FAAH2: variants seen among roughly 807,000 people sequenced by gnomAD.
FAAH2 encodes the protein fatty acid amide hydrolase 2, also known as fatty-acid amide hydrolase 2.
FAAH2 carries 60 observed loss-of-function variants against 36.9 expected under a neutral mutation model. The observed-to-expected ratio is 1.63, with a 90% confidence interval of 1.32 to 2.02. The LOEUF (loss-of-function observed/expected upper bound fraction) is 2.02. Among genes scored for constraint, FAAH2 ranks in the 30% most tolerant of loss-of-function variants. The probability of loss-of-function intolerance (pLI) is 0.00; values close to 1 mark genes in which losing one functional copy is unlikely to be tolerated. For synonymous variants in FAAH2, 214 were observed against 143.8 expected (o/e 1.49, Z -3.49); for missense variants, 689 against 397.5 (o/e 1.73, Z -6.23).
chrX:57,256,365 C>G, the FAAH2 span, among the ~76,000 whole-genome samples: 1 of 111,721 alleles, frequency 9.0e-6, no homozygotes, highest in Non-Finnish European at 1.9e-5. Context: ...TTTATAGATT[C>G]AGTGCTATCC....
At chrX:57,219,876 T>G in the FAAH2 span, among the ~76,000 whole-genome samples, 2 of 101,477 alleles carry the variant, frequency 2.0e-5, no homozygotes, top group East Asian at 3.0e-4. Flanking sequence ...TTTTTTTTTT[T>G]TTTTTTTTTT....
At chrX:57,227,510 G>T in the FAAH2 span, among the ~76,000 whole-genome samples, 3 of 111,191 alleles carry the variant, frequency 2.7e-5, no homozygotes, top group Non-Finnish European at 3.8e-5. Flanking sequence ...CTGTCTATGG[G>T]TCTCTCAGTC....
chrX:57,378,886 A>G, intron 6 of FAAH2, 100 bp downstream of exon 6: 1 of 1,019,010 alleles, frequency 9.8e-7, no homozygotes, highest in Non-Finnish European at 1.3e-6. Context: ...CCTCAAGCAA[A>G]TAATTTTTAC....
intron 5 of FAAH2, among the ~76,000 whole-genome samples, chrX:57,351,614 A>C (rs1437466629): frequency 9.1e-6 from 1 of 110,483 alleles, no homozygotes; most frequent in Non-Finnish European, 1.9e-5. Context: ...AGAAGACCCA[A>C]ATAAACACTG....
chrX:57,161,957 G>T, the FAAH2 span, among the ~76,000 whole-genome samples: 3 of 111,989 alleles, frequency 2.7e-5, no homozygotes, highest in Middle Eastern at 4.6e-3. Context: ...TCCTAGTCTT[G>T]ATGGTCTTTA....
intron 7 of FAAH2, among the ~76,000 whole-genome samples, chrX:57,424,370 C>T (rs1487340788): frequency 8.9e-6 from 1 of 111,875 alleles, no homozygotes; most frequent in Non-Finnish European, 1.9e-5. Context: ...ACAAAGACCC[C>T]TACTGCTTCT....
chrX:57,210,189 T>G, the FAAH2 span, among the ~76,000 whole-genome samples: 1 of 111,643 alleles, frequency 9.0e-6, no homozygotes, highest in African/African-American at 3.3e-5. Context: ...AGTTGTTACA[T>G]TTGTGTCCTT....
the FAAH2 span, among the ~76,000 whole-genome samples, chrX:57,258,935 T>C: frequency 4.6e-5 from 5 of 108,676 alleles, no homozygotes; most frequent in Admixed American, 2.0e-4. Flanking sequence ...TTAGCCAGGA[T>C]GGTCTCATCT....
the FAAH2 span, among the ~76,000 whole-genome samples, chrX:57,277,402 T>C: frequency 9.0e-6 from 1 of 111,692 alleles, no homozygotes; most frequent in East Asian, 2.8e-4. Flanking sequence ...CTCAATAAAC[T>C]AGGTATTGAT....
rs771871081 is a variant in FAAH2 at position 57,288,338 on chromosome X, C to CTTTTTTTTTTTTTTTTTTT, written c.192+1332_192+1350dup. Among the ~76,000 whole-genome samples, 11 of 40,349 alleles carry CTTTTTTTTTTTTTTTTTTT rather than the reference C, an allele frequency of 2.7e-4. 3 individuals carry two copies. Among genetic ancestry groups the CTTTTTTTTTTTTTTTTTTT allele is most frequent in the African/African-American group, 1.4e-3 (10 of 7,302 alleles). 35.0% of individuals were successfully genotyped at this position (40,349 alleles called of 115,157 possible). On this transcript the variant is annotated intron_variant, in intron 1 of 10. Transcript: ENST00000374900. ...TAGCTCTGTGATCTTAAAAACATTT[C>CTTTTTTTTTTTTTTTTTTT]TTTTTTTTTTTTTTTTTTTTTTTTT... is the stretch of plus-strand genomic sequence containing the variant.
the FAAH2 span, among the ~76,000 whole-genome samples, chrX:57,146,194 A>G: frequency 9.0e-6 from 1 of 110,859 alleles, no homozygotes; most frequent in East Asian, 2.8e-4. Flanking sequence ...TTCCCCATCC[A>G]TGAGGATGGG....
chrX:57,443,788 T>C (rs1253091856), intron 8 of FAAH2, among the ~76,000 whole-genome samples: 1 of 111,830 alleles, frequency 8.9e-6, no homozygotes, highest in Non-Finnish European at 1.9e-5. Flanking sequence ...ACAGATGGGG[T>C]TTAGGTGTGG....
intron 1 of FAAH2, among the ~76,000 whole-genome samples, chrX:57,291,189 A>G (rs1483012697): frequency 9.0e-6 from 1 of 111,682 alleles, no homozygotes; most frequent in Non-Finnish European, 1.9e-5. Flanking sequence ...TTGGTCTGTG[A>G]GTCTCTGAGG....
intron 5 of FAAH2, among the ~76,000 whole-genome samples, chrX:57,361,224 A>G: frequency 9.0e-6 from 1 of 111,291 alleles, no homozygotes; most frequent in South Asian, 3.8e-4. Context: ...TTATTTTTCC[A>G]TGGCTCACCA....
intron 7 of FAAH2, among the ~76,000 whole-genome samples, chrX:57,416,919 G>A (rs187115586): frequency 1.3e-3 from 145 of 111,665 alleles, no homozygotes; most frequent in African/African-American, 4.4e-3. Flanking sequence ...TGGAGACTTT[G>A]TTTGCTTTCT....
chrX:57,477,809 G>A (rs1364827683), intron 10 of FAAH2, among the ~76,000 whole-genome samples: 1 of 111,241 alleles, frequency 9.0e-6, no homozygotes, highest in African/African-American at 3.3e-5. Context: ...TCCCTACAAA[G>A]GACATGAACT....
At chrX:57,218,249 T>C in the FAAH2 span, among the ~76,000 whole-genome samples, 1 of 111,597 alleles carries the variant, frequency 9.0e-6, no homozygotes, top group Non-Finnish European at 1.9e-5. Context: ...AGAGGAGTGG[T>C]GATATAGTGA....
the FAAH2 span, among the ~76,000 whole-genome samples, chrX:57,142,895 T>C: frequency 1.8e-5 from 2 of 111,983 alleles, no homozygotes; most frequent in African/African-American, 3.2e-5. Flanking sequence ...TGGCTTGACA[T>C]CTACTTTGTC....
chrX:57,282,746 T>C (rs1452832389), upstream of FAAH2, among the ~76,000 whole-genome samples: 1 of 111,899 alleles, frequency 8.9e-6, no homozygotes, highest in Non-Finnish European at 1.9e-5. Context: ...AATGTAATGG[T>C]TAATAGGTAC....
Sources: gnomAD v4.1 joint callset for allele counts (sites outside exome capture counted in the v4.1 genomes callset) on GRCh38, gnomAD v4.1.1 for gene constraint, MANE v1.5 for transcripts, NCBI Gene and HGNC (gene_info 2026-07-23, HGNC 2026-07-21) for gene names.